The following ABHD12 variants were observed in gnomAD, a reference collection of about 807,000 sequenced individuals.
ABHD12 encodes lysophosphatidylserine lipase ABHD12.
Under a neutral mutation model 58.3 loss-of-function variants are expected in ABHD12, and 43 were observed. The ratio of observed to expected loss-of-function variants is 0.74; its 90% CI spans 0.58 to 0.95. ABHD12 has a LOEUF of 0.95. Ranked by LOEUF, ABHD12 falls within the 40% of genes least tolerant of loss-of-function variation. ABHD12 has a pLI of 0.00. For missense variants in ABHD12, 539 were observed against 537.2 expected, an observed-to-expected ratio of 1.00 and a Z score of -0.03; for synonymous variants, 219 against 211.2, an observed-to-expected ratio of 1.04 and a Z score of -0.32.
intron 6 of ABHD12, chr20:25,310,518 T>C (rs1055507769): frequency 6.6e-6 from 1 of 152,334 alleles, no homozygotes; most frequent in Non-Finnish European, 1.5e-5. Flanking sequence ...GAGCAGGTTG[T>C]GCAGTGTAAG....
intron 1 of ABHD12, among the ~76,000 whole-genome samples, chr20:25,373,134 ACT>A (rs890866798): frequency 2.6e-5 from 4 of 152,050 alleles, no homozygotes. Context: ...GTGTAAATAC[ACT>A]CTGATCTTCG....
intron 1 of ABHD12, among the ~76,000 whole-genome samples, chr20:25,350,913 A>C (rs1376591694): frequency 6.6e-6 from 1 of 151,714 alleles, no homozygotes; most frequent in East Asian, 1.9e-4. Context: ...CATTTAAAAA[A>C]AAGCTGTAGA....
At chr20:25,338,435 CGTT>C (rs1555816988) in intron 2 of ABHD12, among the ~76,000 whole-genome samples, 2 of 152,234 alleles carry the variant, frequency 1.3e-5, no homozygotes, top group Non-Finnish European at 1.5e-5. Flanking sequence ...GTGCGAGCCC[CGTT>C]GTTCTCAAAC....
intron 2 of ABHD12, among the ~76,000 whole-genome samples, chr20:25,335,359 G>A (rs1247392072): frequency 6.7e-6 from 1 of 149,526 alleles, no homozygotes; most frequent in Admixed American, 6.7e-5. Context: ...ACTGTTGGTG[G>A]GACTGTAAAC....
downstream of ABHD12, among the ~76,000 whole-genome samples, chr20:25,298,789 A>C (rs920993500): frequency 1.3e-5 from 2 of 152,198 alleles, no homozygotes; most frequent in African/African-American, 4.8e-5. Flanking sequence ...GCTACCCTGA[A>C]GACCCAAGAA....
chr20:25,326,975 A>T (rs1201937884), intron 2 of ABHD12, among the ~76,000 whole-genome samples: 1 of 152,238 alleles, frequency 6.6e-6, no homozygotes, highest in African/African-American at 2.4e-5. Flanking sequence ...TGACAATAGT[A>T]ATGCCTTTGC....
intron 1 of ABHD12, among the ~76,000 whole-genome samples, chr20:25,351,653 G>A (rs575367233): frequency 6.6e-6 from 1 of 152,216 alleles, no homozygotes; most frequent in Non-Finnish European, 1.5e-5. Context: ...ACGGTGGTTC[G>A]CCTATAATCC....
At chr20:25,365,041 C>T (rs1345633761) in intron 1 of ABHD12, among the ~76,000 whole-genome samples, 1 of 152,212 alleles carries the variant, frequency 6.6e-6, no homozygotes, top group East Asian at 1.9e-4. Flanking sequence ...AAGTAGTTCT[C>T]ACCTATGCAA....
At chr20:25,308,144 C>T in intron 8 of ABHD12, 99 bp from the exon 9 acceptor site, 1 of 871,640 alleles carries the variant, frequency 1.1e-6, no homozygotes, top group Admixed American at 1.8e-5. Context: ...ACAAGGAGAC[C>T]ACAGCGCCTC....
At chr20:25,371,018 TG>T (rs1186003959) in intron 1 of ABHD12, among the ~76,000 whole-genome samples, 1 of 152,154 alleles carries the variant, frequency 6.6e-6, no homozygotes, top group East Asian at 1.9e-4. Context: ...CTGCCTCTAC[TG>T]TTCTACTTCC....
intron 1 of ABHD12, among the ~76,000 whole-genome samples, chr20:25,348,476 C>G (rs1212330619): frequency 6.9e-6 from 1 of 144,536 alleles, no homozygotes; most frequent in South Asian, 2.2e-4. Context: ...AACAAATGCG[C>G]TGGGTGTGCT....
At chr20:25,341,769 A>C (rs2089457394) in intron 1 of ABHD12, among the ~76,000 whole-genome samples, 1 of 152,156 alleles carries the variant, frequency 6.6e-6, no homozygotes, top group South Asian at 2.1e-4. Context: ...ATAATGTGAG[A>C]GGCGGGAAGA....
intron 3 of ABHD12, among the ~76,000 whole-genome samples, chr20:25,322,383 T>TATATATATATATATATATATATATATA (rs1568727719): frequency 2.2e-4 from 7 of 31,564 alleles, no homozygotes; most frequent in African/African-American, 3.2e-4. Context: ...ATATATATAT[T>TATATATATATATATATATATATATATA]TTTTTTTTTT....
At chr20:25,375,380 G>C (rs2089949925) in intron 1 of ABHD12, among the ~76,000 whole-genome samples, 1 of 152,114 alleles carries the variant, frequency 6.6e-6, no homozygotes, top group South Asian at 2.1e-4. Flanking sequence ...TAAGTAGCAG[G>C]GACTGTATCT....
Position 25,304,693 on chromosome 20 carries a change from G to A in ABHD12, c.951-1065C>T, listed in dbSNP as rs1450299682. Among the ~76,000 whole-genome samples the A allele has an allele frequency of 3.3e-5, 5 of 151,844 alleles. 1 individual carries two copies. In the South Asian group the frequency reaches 6.2e-4, roughly 19 times the overall value. On this transcript the variant is annotated intron_variant, in intron 10 of 12. Transcript: ENST00000339157. ...AGTGATTCTCCTGCTTCAGCCTCCCGAGTAGCTGGGACTACAGGCGTGCAC... is the reference window on the plus strand; with the variant it reads ...AGTGATTCTCCTGCTTCAGCCTCCCAAGTAGCTGGGACTACAGGCGTGCAC...
Position 25,303,558 on chromosome 20 carries a change from C to T in ABHD12, c.1021G>A (p.Gly341Ser), listed in dbSNP as rs1600762056. Residue 341 changes from glycine to serine, a missense_variant, in exon 11 of 13, where the codon GGC becomes AGC. By Grantham distance (56) the Gly-to-Ser change is moderately conservative. Transcript: ENST00000339157. ...CAGAGGCCAGGACCCACCTTTCTGC[C>T]AAGCTGGAAGGGCACCACCGGGTCG... ...EDDPVVPFQL[G>S]RKLYSIAAPA... The T allele has an allele frequency of 6.2e-7, 1 of 1,613,656 alleles. No individual in the cohort carries two copies. The highest frequency in any genetic ancestry group is 1.3e-5 in the African/African-American group (1 of 75,024).
intron 1 of ABHD12, among the ~76,000 whole-genome samples, chr20:25,342,866 G>T (rs749798306): frequency 1.2e-4 from 18 of 152,118 alleles, no homozygotes; most frequent in Non-Finnish European, 2.1e-4. Context: ...GGGGTTATAG[G>T]TGTGAGCCAC....
At chr20:25,294,876 G>C in exon 13 of ABHD12, 1 of 1,389,392 alleles carries the variant, frequency 7.2e-7, no homozygotes, top group South Asian at 1.2e-5. Flanking sequence ...ATCCGGCGAG[G>C]GCTGGGAATT....
intron 1 of ABHD12, among the ~76,000 whole-genome samples, chr20:25,380,160 T>C (rs999392629): frequency 2.2e-4 from 34 of 152,212 alleles, no homozygotes; most frequent in African/African-American, 8.0e-4. Flanking sequence ...TCTCACACAT[T>C]GTGGTTTTCA....
Sources: allele counts gnomAD v4.1 joint callset (sites outside exome capture counted in the v4.1 genomes callset), GRCh38; gene constraint gnomAD v4.1.1; transcripts MANE v1.5; gene names NCBI Gene and HGNC (gene_info 2026-07-23, HGNC 2026-07-21).